GABBR2: variants seen among roughly 807,000 people sequenced by gnomAD.
GABBR2 encodes the protein gamma-aminobutyric acid type B receptor subunit 2.
A neutral mutation model predicts 105.6 loss-of-function variants in GABBR2; 23 were observed. The ratio of observed to expected loss-of-function variants is 0.22; its 90% CI spans 0.16 to 0.31. The LOEUF (loss-of-function observed/expected upper bound fraction) is 0.31, where lower values mean the gene tolerates loss of function less well. GABBR2 is among the 10% of genes least tolerant of loss of function. GABBR2 has a pLI of 1.00. For synonymous variants in GABBR2, 478 were observed against 499.7 expected, an observed-to-expected ratio of 0.96 and a Z score of 0.58; for missense variants, 734 against 1,245.5, an observed-to-expected ratio of 0.59 and a Z score of 6.18.
At chr9:98,496,380 T>C in intron 4 of GABBR2, 33 bp downstream of exon 4, 2 of 1,321,836 alleles carry the variant, frequency 1.5e-6, no homozygotes, top group Non-Finnish European at 1.1e-6. Flanking sequence ...TTGAGATCAG[T>C]CTGCCATTCA....
chr9:98,670,801 T>C (rs865823884), intron 1 of GABBR2, among the ~76,000 whole-genome samples: 54 of 152,176 alleles, frequency 3.5e-4, no homozygotes, highest in African/African-American at 1.3e-3. Flanking sequence ...AGACAGAAAG[T>C]AGAATGGTGG....
In GABBR2 at chr9:98,306,817, T is replaced by C. The variant is rs1830559168; in HGVS notation, c.2005-472A>G. On this transcript the variant is annotated intron_variant, in intron 14 of 18. Coordinates refer to ENST00000259455, the MANE Select transcript of GABBR2 (RefSeq NM_005458.8). This position sits in a 1 kb window ranked among gnomAD's most constrained non-coding sequence, Gnocchi z 5.4. ...AGATCCCTTGTGTCTGAGACTTCTATTGTCCCCAAGCACACACAGACACCC... is the reference window on the plus strand; with the variant it reads ...AGATCCCTTGTGTCTGAGACTTCTACTGTCCCCAAGCACACACAGACACCC... 6.6e-6 allele frequency among the ~76,000 whole-genome samples: 1 copy of C among 152,218 alleles called. No homozygotes were observed. Among genetic ancestry groups the C allele is most frequent in the Non-Finnish European group, 1.5e-5 (1 of 68,044 alleles).
intron 2 of GABBR2, among the ~76,000 whole-genome samples, chr9:98,575,666 G>A (rs910245979): frequency 1.1e-4 from 16 of 152,182 alleles, no homozygotes; most frequent in Admixed American, 8.5e-4. Flanking sequence ...ACTGGTCCAA[G>A]GTCTCCACAG....
chr9:98,444,877 GCGCACA>G (rs1191420496), intron 7 of GABBR2, among the ~76,000 whole-genome samples: 9 of 96,508 alleles, frequency 9.3e-5, no homozygotes, highest in African/African-American at 1.6e-4. Context: ...ATGCGCGCGC[GCGCACA>G]CACACACACA....
At chr9:98,326,387 G>A (rs746250437) in intron 13 of GABBR2, among the ~76,000 whole-genome samples, 2 of 152,168 alleles carry the variant, frequency 1.3e-5, no homozygotes, top group South Asian at 2.1e-4. Flanking sequence ...TGAGGCTCAG[G>A]GAGGCTCAAG....
intron 3 of GABBR2, among the ~76,000 whole-genome samples, chr9:98,540,559 C>T (rs1828276283): frequency 6.6e-6 from 1 of 152,198 alleles, no homozygotes; most frequent in Non-Finnish European, 1.5e-5. Context: ...ATTACCAGCC[C>T]TGTTCTACTC....
At chr9:98,301,890 G>C (rs775689543) in intron 16 of GABBR2, among the ~76,000 whole-genome samples, 1 of 152,164 alleles carries the variant, frequency 6.6e-6, no homozygotes, top group African/African-American at 2.4e-5. Flanking sequence ...GTCATCTTTA[G>C]GTGCACAGAC....
At chr9:98,445,640 G>A (rs1245436087) in intron 7 of GABBR2, among the ~76,000 whole-genome samples, 4 of 152,226 alleles carry the variant, frequency 2.6e-5, no homozygotes, top group African/African-American at 9.6e-5. Flanking sequence ...GGAAGCCCTG[G>A]AGGGTAAATT....
intron 2 of GABBR2, among the ~76,000 whole-genome samples, chr9:98,553,437 A>G (rs1472143822): frequency 6.6e-6 from 1 of 151,984 alleles, no homozygotes; most frequent in Non-Finnish European, 1.5e-5. Context: ...CTACAAAAAA[A>G]TGCAAAAAAT....
In GABBR2 at chr9:98,385,768, T is replaced by C. The variant is rs774732804; in HGVS notation, c.1534A>G (p.Ile512Val). The change falls in exon 11 of 19, where the codon ATA (isoleucine) becomes GTA (valine). Residue 512 changes from isoleucine (I) to valine (V), a missense_variant. This residue lies in a region of GABBR2 where 370 missense variants were observed against 648.9 expected (regional missense o/e 0.57). Transcript: ENST00000259455. ...FNIKNRNQKL[I>V]KMSSPYMNNL... ...TTCATGTATGGACTCGACATCTTTA[T>C]GAGCCTGACAAGAGAAAGAGACAAT... The C allele has an allele frequency of 1.2e-5, 20 of 1,608,972 alleles. No individual in the cohort carries two copies. The highest frequency in any genetic ancestry group is 2.6e-6 in the Non-Finnish European group (3 of 1,175,468).
intron 6 of GABBR2, among the ~76,000 whole-genome samples, chr9:98,464,304 G>A (rs1211482309): frequency 6.7e-6 from 1 of 148,536 alleles, no homozygotes; most frequent in Non-Finnish European, 1.5e-5. Flanking sequence ...GAGGAAGTGA[G>A]GAGTACCTCA....
chr9:98,650,560 G>GA (rs1446553159), intron 1 of GABBR2, among the ~76,000 whole-genome samples: 11 of 151,186 alleles, frequency 7.3e-5, no homozygotes, highest in South Asian at 4.2e-4. Flanking sequence ...AATTCCAACG[G>GA]AAAAAAAAGA....
chr9:98,300,273 T>A (rs1830448020), intron 16 of GABBR2, among the ~76,000 whole-genome samples: 1 of 152,124 alleles, frequency 6.6e-6, no homozygotes, highest in African/African-American at 2.4e-5. Flanking sequence ...CTGCAGGGTC[T>A]CACTCAGAGG....
rs892628750 is a variant in GABBR2 at position 98,569,228 on chromosome 9, G to A, written c.459+8707C>T. Among the ~76,000 whole-genome samples the A allele has an allele frequency of 7.9e-5, 12 of 152,208 alleles. No individual in the cohort carries two copies. In the South Asian group the frequency reaches 8.3e-4, roughly 11 times the overall value. On this transcript the variant is annotated intron_variant, in intron 2 of 18. Coordinates refer to ENST00000259455, the MANE Select transcript of GABBR2 (RefSeq NM_005458.8). Reference sequence around the variant, plus strand: ...CAATCAAGGCTGCAGGCTCACTTGCGTGCTCTGTGGAAGGGTGTGGCAGTC... The same window carrying A: ...CAATCAAGGCTGCAGGCTCACTTGCATGCTCTGTGGAAGGGTGTGGCAGTC...
chr9:98,451,603 G>T (rs1049443409), intron 7 of GABBR2, among the ~76,000 whole-genome samples: 1 of 152,176 alleles, frequency 6.6e-6, no homozygotes, highest in Non-Finnish European at 1.5e-5. Context: ...AACACAGATG[G>T]CTGGGCCCCA....
intron 7 of GABBR2, among the ~76,000 whole-genome samples, chr9:98,447,470 A>G (rs1223005432): frequency 1.3e-5 from 2 of 151,938 alleles, no homozygotes; most frequent in African/African-American, 4.8e-5. Context: ...TAAAACCAGG[A>G]CCCCAAAAGA....
At chr9:98,553,244 G>T (rs749164337) in intron 2 of GABBR2, among the ~76,000 whole-genome samples, 17 of 152,058 alleles carry the variant, frequency 1.1e-4, no homozygotes, top group Non-Finnish European at 2.4e-4. Context: ...TGTTTCCTGT[G>T]GGAGAAACTG....
At chr9:98,577,532 G>GCTC (rs1182180241) in intron 2 of GABBR2, among the ~76,000 whole-genome samples, 1 of 152,228 alleles carries the variant, frequency 6.6e-6, no homozygotes, top group Non-Finnish European at 1.5e-5. Context: ...TAAGGGAACG[G>GCTC]TGAGAGCAGG....
intron 1 of GABBR2, among the ~76,000 whole-genome samples, chr9:98,661,270 G>A (rs1489283292): frequency 6.6e-6 from 1 of 152,158 alleles, no homozygotes; most frequent in Non-Finnish European, 1.5e-5. Flanking sequence ...ACATTCACAG[G>A]ATCCAAGAAT....
Sources: allele counts gnomAD v4.1 joint callset (sites outside exome capture counted in the v4.1 genomes callset), GRCh38; gene constraint gnomAD v4.1.1; regional missense constraint gnomAD v4.1.1; non-coding constraint Gnocchi (gnomAD v3.1); transcripts MANE v1.5; gene names NCBI Gene and HGNC (gene_info 2026-07-23, HGNC 2026-07-21).